The following CNTLN variants were observed in gnomAD, a reference collection of about 807,000 sequenced individuals.
CNTLN encodes the protein centlein, centrosomal protein.
In CNTLN, 212 loss-of-function variants were observed where a neutral mutation model predicts 180.0. That is an observed-to-expected ratio of 1.18 (90% CI 1.05 to 1.32). CNTLN has a LOEUF of 1.32. Ranked by LOEUF, CNTLN falls within the 40% of genes most tolerant of loss-of-function variation. CNTLN has a pLI of 0.00. For synonymous variants in CNTLN, 722 were observed against 563.1 expected (o/e 1.28, Z -3.99); for missense variants, 2,095 against 1,610.9 (o/e 1.30, Z -5.14).
At chr9:17,427,330 C>G (rs1220330471) in intron 18 of CNTLN, among the ~76,000 whole-genome samples, 1 of 147,246 alleles carries the variant, frequency 6.8e-6, no homozygotes, top group Non-Finnish European at 1.5e-5. Context: ...GAAAAGAATA[C>G]TTGATATCAT....
intron 5 of CNTLN, among the ~76,000 whole-genome samples, chr9:17,236,885 A>G (rs937316852): frequency 6.6e-6 from 1 of 152,180 alleles, no homozygotes; most frequent in Admixed American, 6.5e-5. Context: ...TAACTTTTTC[A>G]CTTAAGGCTT....
chr9:17,526,007 C>G, the CNTLN span, among the ~76,000 whole-genome samples: 28 of 152,216 alleles, frequency 1.8e-4, no homozygotes, highest in African/African-American at 6.5e-4. Flanking sequence ...GCAATCTCGG[C>G]TCACTGCAAG....
chr9:17,201,799 A>AT lies in CNTLN; in HGVS notation c.450-24395dup, dbSNP rs976094652. On this transcript the variant is annotated intron_variant, in intron 2 of 25. Coordinates refer to ENST00000380647, the MANE Select transcript of CNTLN (RefSeq NM_017738.4). ...AAAAAACCAGCTCCTGGATTCATTGATTTTTTTTTAAGGGTTTTTCAGGTC... is the reference window on the plus strand; with the variant it reads ...AAAAAACCAGCTCCTGGATTCATTGATTTTTTTTTTAAGGGTTTTTCAGGTC... Among the ~76,000 whole-genome samples the AT allele has an allele frequency of 1.0e-3, 158 of 150,738 alleles. 2 individuals carry two copies. Among genetic ancestry groups the AT allele is most frequent in the Admixed American group, 4.8e-3 (73 of 15,090 alleles).
Position 17,289,445 on chromosome 9 carries a change from T to G in CNTLN, c.984-8745T>G, listed in dbSNP as rs936351161. Among the ~76,000 whole-genome samples the G allele has an allele frequency of 6.9e-4, 89 of 129,240 alleles. 10 individuals are homozygous for G. The highest frequency in any genetic ancestry group is 1.5e-3 in the South Asian group (5 of 3,262). The allele number at this position is 129,240 out of a possible 152,430, so 84.8% of individuals were successfully genotyped here. ...TTCTCTCTGGCTGCCCTTAACATTT[T>G]TTCCTTCATTTCAACTTTGGTGAAT... On this transcript the variant is annotated intron_variant, in intron 6 of 25. Transcript: ENST00000380647.
chr9:17,316,351 C>T (rs1244736371), intron 8 of CNTLN, among the ~76,000 whole-genome samples: 5 of 151,994 alleles, frequency 3.3e-5, no homozygotes, highest in African/African-American at 7.2e-5. Context: ...CTCTTGTAGA[C>T]ACCATATAGT....
chr9:17,194,978 A>G (rs1034919858), intron 2 of CNTLN, among the ~76,000 whole-genome samples: 2 of 152,158 alleles, frequency 1.3e-5, no homozygotes, highest in African/African-American at 4.8e-5. Flanking sequence ...ATTCACTACC[A>G]TGAGAACAGT....
downstream of CNTLN, among the ~76,000 whole-genome samples, chr9:17,507,876 C>T (rs1477136485): frequency 6.6e-6 from 1 of 152,176 alleles, no homozygotes; most frequent in African/African-American, 2.4e-5. Context: ...ACATCAGCTC[C>T]TTCCAACACT....
At chr9:17,165,265 T>A (rs544390465) in intron 2 of CNTLN, among the ~76,000 whole-genome samples, 1 of 152,198 alleles carries the variant, frequency 6.6e-6, no homozygotes, top group South Asian at 2.1e-4. Context: ...AGTAGGAATT[T>A]AGGTTAAATG....
At chr9:17,218,338 GT>G (rs1322659968) in intron 2 of CNTLN, among the ~76,000 whole-genome samples, 1 of 151,954 alleles carries the variant, frequency 6.6e-6, no homozygotes, top group Non-Finnish European at 1.5e-5. Flanking sequence ...ACATATTAAA[GT>G]TTTCTTTTTT....
intron 12 of CNTLN, among the ~76,000 whole-genome samples, chr9:17,361,803 G>A (rs1488416236): frequency 1.3e-5 from 2 of 152,212 alleles, no homozygotes; most frequent in Non-Finnish European, 2.9e-5. Flanking sequence ...AGGGATTACA[G>A]TTCTGTGCTG....
chr9:17,334,060 A>AT (rs1280784803), intron 10 of CNTLN, among the ~76,000 whole-genome samples: 1 of 151,714 alleles, frequency 6.6e-6, no homozygotes, highest in African/African-American at 2.4e-5. Flanking sequence ...CTTTTGCATA[A>AT]TTTTTTTTCT....
chr9:17,381,801 G>A (rs10810780), intron 13 of CNTLN, among the ~76,000 whole-genome samples: 47,926 of 152,056 alleles, frequency 0.32, 7,792 homozygotes, highest in South Asian at 0.41. Flanking sequence ...AGGCAATATT[G>A]GATTTAGGTC....
the CNTLN span, among the ~76,000 whole-genome samples, chr9:17,518,702 A>C: frequency 6.6e-6 from 1 of 152,166 alleles, no homozygotes; most frequent in Non-Finnish European, 1.5e-5. Context: ...AGGCAATGAA[A>C]TGTGAGTGTA....
intron 2 of CNTLN, among the ~76,000 whole-genome samples, chr9:17,208,978 CT>C (rs1563882361): frequency 6.6e-6 from 1 of 151,836 alleles, no homozygotes; most frequent in East Asian, 1.9e-4. Context: ...TATTTCTCTT[CT>C]AATTTTGTGT....
chr9:17,379,162 C>A (rs1412772166), intron 13 of CNTLN, among the ~76,000 whole-genome samples: 1 of 152,008 alleles, frequency 6.6e-6, no homozygotes, highest in Admixed American at 6.6e-5. Context: ...TAGCGTGCCC[C>A]ACTTTTTTCC....
intron 5 of CNTLN, among the ~76,000 whole-genome samples, chr9:17,261,895 C>T (rs1409723042): frequency 6.6e-6 from 1 of 151,376 alleles, no homozygotes; most frequent in African/African-American, 2.4e-5. Context: ...AAAAACAACC[C>T]CATCAAAAAG....
At chr9:17,193,176 A>G (rs2131821842) in intron 2 of CNTLN, among the ~76,000 whole-genome samples, 1 of 152,238 alleles carries the variant, frequency 6.6e-6, no homozygotes, top group South Asian at 2.1e-4. Flanking sequence ...GGGTGGGGAC[A>G]CAGGCCAAAC....
At chr9:17,324,890 T>C (rs111564165) in intron 8 of CNTLN, among the ~76,000 whole-genome samples, 24 of 152,214 alleles carry the variant, frequency 1.6e-4, no homozygotes, top group East Asian at 1.2e-3. Context: ...GAGATGGTGA[T>C]AGTTTATTTT....
intron 18 of CNTLN, among the ~76,000 whole-genome samples, chr9:17,432,396 A>C (rs1344805043): frequency 6.6e-6 from 1 of 152,194 alleles, no homozygotes; most frequent in Non-Finnish European, 1.5e-5. Flanking sequence ...AATTACATAC[A>C]GGAGAAGAGC....
Sources: allele counts gnomAD v4.1 joint callset (sites outside exome capture counted in the v4.1 genomes callset), GRCh38; gene constraint gnomAD v4.1.1; transcripts MANE v1.5; gene names NCBI Gene and HGNC (gene_info 2026-07-23, HGNC 2026-07-21).